DLGAP1: variants seen among roughly 807,000 people sequenced by gnomAD.
DLGAP1 encodes disks large-associated protein 1.
In DLGAP1, 11 loss-of-function variants were observed where a neutral mutation model predicts 90.8. The ratio of observed to expected loss-of-function variants is 0.12; its 90% confidence interval spans 0.08 to 0.20. The LOEUF (loss-of-function observed/expected upper bound fraction) is 0.20. Ranked by LOEUF, DLGAP1 falls within the 10% of genes least tolerant of loss-of-function variation. DLGAP1 has a pLI of 1.00. For missense variants in DLGAP1, 1,050 were observed against 1,333.8 expected (o/e 0.79, Z 3.31); for synonymous variants, 558 against 540.7 (o/e 1.03, Z -0.44).
intron 3 of DLGAP1, among the ~76,000 whole-genome samples, chr18:3,917,596 C>T (rs561673046): frequency 4.6e-4 from 70 of 152,310 alleles, no homozygotes; most frequent in African/African-American, 1.7e-3. Context: ...AGTCACTAGG[C>T]ATGTACTGAG....
chr18:3,965,940 C>CAAAAAAAAAAAA (rs544643910), intron 3 of DLGAP1, among the ~76,000 whole-genome samples: 1 of 100,578 alleles, frequency 9.9e-6, no homozygotes, highest in Non-Finnish European at 1.9e-5. Context: ...GACTCCATGT[C>CAAAAAAAAAAAA]AAAAAAAAAA....
chr18:4,366,676 T>C (rs1293228884), intron 1 of DLGAP1, among the ~76,000 whole-genome samples: 2 of 151,908 alleles, frequency 1.3e-5, no homozygotes, highest in Non-Finnish European at 2.9e-5. Context: ...GATAAATCAA[T>C]TTATTTGGCT....
intron 1 of DLGAP1, among the ~76,000 whole-genome samples, chr18:4,414,157 T>A (rs1309550239): frequency 1.4e-5 from 2 of 143,168 alleles, no homozygotes; most frequent in East Asian, 4.1e-4. Flanking sequence ...AAAGAACATA[T>A]AACATTGCTA....
chr18:3,763,666 T>G (rs2064078530), intron 5 of DLGAP1, among the ~76,000 whole-genome samples: 1 of 152,102 alleles, frequency 6.6e-6, no homozygotes, highest in African/African-American at 2.4e-5. Flanking sequence ...TATCTTTTTT[T>G]TTTCTTTTTT....
intron 4 of DLGAP1, among the ~76,000 whole-genome samples, chr18:3,873,524 A>C (rs2070879359): frequency 6.6e-6 from 1 of 152,222 alleles, no homozygotes; most frequent in Non-Finnish European, 1.5e-5. Context: ...ACTGTTCAGC[A>C]CTTTCATAAA....
intron 2 of DLGAP1, among the ~76,000 whole-genome samples, chr18:4,138,733 T>A (rs1282906149): frequency 3.9e-5 from 6 of 152,072 alleles, no homozygotes; most frequent in Non-Finnish European, 8.8e-5. Flanking sequence ...TCTTTGTATG[T>A]TTGTTAAAAT....
chr18:4,306,105 A>G (rs1391333056), intron 1 of DLGAP1, among the ~76,000 whole-genome samples: 1 of 150,946 alleles, frequency 6.6e-6, no homozygotes, highest in Non-Finnish European at 1.5e-5. Flanking sequence ...AGAGAGAGGG[A>G]GAGAAATTAA....
intron 7 of DLGAP1, among the ~76,000 whole-genome samples, chr18:3,685,814 A>G (rs1000326415): frequency 1.3e-5 from 2 of 152,186 alleles, no homozygotes; most frequent in Non-Finnish European, 2.9e-5. Flanking sequence ...CACATTGTAT[A>G]ATCAAACACA....
At chr18:4,205,606 C>A (rs750703470) in intron 1 of DLGAP1, among the ~76,000 whole-genome samples, 2 of 152,158 alleles carry the variant, frequency 1.3e-5, no homozygotes, top group Admixed American at 6.5e-5. Flanking sequence ...GATCCTCTGG[C>A]CTTAGCCTCC....
intron 1 of DLGAP1, among the ~76,000 whole-genome samples, chr18:4,285,987 T>C (rs1253534562): frequency 2.0e-5 from 3 of 152,302 alleles, no homozygotes; most frequent in Middle Eastern, 3.4e-3. Flanking sequence ...GGACTGATAG[T>C]AAAATTACCC....
chr18:4,313,471 C>T (rs1055505076), intron 1 of DLGAP1, among the ~76,000 whole-genome samples: 5 of 152,236 alleles, frequency 3.3e-5, no homozygotes, highest in Admixed American at 6.5e-5. Context: ...ATTTTTATTA[C>T]TTAAAACTGC....
chr18:4,083,671 C>T (rs528522326), intron 2 of DLGAP1, among the ~76,000 whole-genome samples: 1 of 152,140 alleles, frequency 6.6e-6, no homozygotes, highest in Non-Finnish European at 1.5e-5. Flanking sequence ...GTTCCCTTTT[C>T]CTCCGTGCAG....
chr18:4,322,214 A>G (rs658933), intron 1 of DLGAP1, among the ~76,000 whole-genome samples: 74,190 of 151,508 alleles, frequency 0.49, 18,776 homozygotes, highest in African/African-American at 0.63. Context: ...AAAAAGAAAA[A>G]AAAAGAAAGA....
intron 2 of DLGAP1, among the ~76,000 whole-genome samples, chr18:4,114,995 T>C (rs2076037624): frequency 6.6e-6 from 1 of 152,188 alleles, no homozygotes; most frequent in Admixed American, 6.5e-5. Flanking sequence ...TGTTTTGTCA[T>C]TGTTTTCTGT....
intron 4 of DLGAP1, among the ~76,000 whole-genome samples, chr18:3,842,207 A>C (rs2068756233): frequency 6.6e-6 from 1 of 152,106 alleles, no homozygotes; most frequent in Admixed American, 6.6e-5. Context: ...AGAACATGGC[A>C]CTGCTAAGAA....
At chr18:3,813,382 A>G (rs933185526) in intron 5 of DLGAP1, among the ~76,000 whole-genome samples, 1 of 152,214 alleles carries the variant, frequency 6.6e-6, no homozygotes, top group Non-Finnish European at 1.5e-5. Context: ...AATAGGCTAG[A>G]CCATCTAAGT....
chr18:3,904,330 C>T (rs138312165), intron 3 of DLGAP1, among the ~76,000 whole-genome samples: 145 of 152,246 alleles, frequency 9.5e-4, no homozygotes, highest in African/African-American at 2.8e-3. Flanking sequence ...TCAATAGTGG[C>T]GATGTGGTAG....
intron 2 of DLGAP1, among the ~76,000 whole-genome samples, chr18:4,091,993 T>C (rs1229075639): frequency 6.6e-6 from 1 of 152,136 alleles, no homozygotes; most frequent in East Asian, 1.9e-4. Flanking sequence ...AGTATCTATG[T>C]CTGGAAACGG....
At chr18:4,302,130 G>A (rs2080140563) in intron 1 of DLGAP1, among the ~76,000 whole-genome samples, 1 of 152,168 alleles carries the variant, frequency 6.6e-6, no homozygotes, top group South Asian at 2.1e-4. Context: ...TTGTGCAGAA[G>A]CTGTTTAGTT....
Sources: gnomAD v4.1 joint callset for allele counts (sites outside exome capture counted in the v4.1 genomes callset) on GRCh38, gnomAD v4.1.1 for gene constraint, MANE v1.5 for transcripts, NCBI Gene and HGNC (gene_info 2026-07-23, HGNC 2026-07-21) for gene names.